The following SMYD3 variants were observed in gnomAD, a reference collection of about 807,000 sequenced individuals.
The protein encoded by SMYD3 is histone-lysine N-methyltransferase SMYD3.
A neutral mutation model predicts 57.7 loss-of-function variants in SMYD3; 36 were observed. That is an observed-to-expected ratio of 0.62 (90% CI 0.48 to 0.82). SMYD3 has a LOEUF of 0.82. Among genes scored for constraint, SMYD3 ranks in the 40% least tolerant of loss-of-function variants. The pLI, the probability that SMYD3 is intolerant of heterozygous loss-of-function variation, is 0.00. For missense variants in SMYD3, 515 were observed against 538.8 expected (o/e 0.96, Z 0.44); for synonymous variants, 211 against 195.0 (o/e 1.08, Z -0.68).
intron 5 of SMYD3, among the ~76,000 whole-genome samples, chr1:246,164,333 T>C (rs1389719332): frequency 6.6e-6 from 1 of 152,140 alleles, no homozygotes; most frequent in African/African-American, 2.4e-5. Flanking sequence ...GGCAGGAGAA[T>C]CACTTGAACC....
intron 5 of SMYD3, among the ~76,000 whole-genome samples, chr1:246,059,356 ATT>A (rs2060210773): frequency 6.6e-6 from 1 of 152,192 alleles, no homozygotes; most frequent in Non-Finnish European, 1.5e-5. Context: ...AAAAAATCAA[ATT>A]AAGATGACTT....
chr1:246,238,555 C>G (rs1044914555), intron 5 of SMYD3, among the ~76,000 whole-genome samples: 4 of 152,148 alleles, frequency 2.6e-5, no homozygotes, highest in Admixed American at 6.5e-5. Context: ...TGTGGAACAG[C>G]TCCACAGGGG....
intron 1 of SMYD3, among the ~76,000 whole-genome samples, chr1:246,359,945 T>C (rs978925398): frequency 2.6e-5 from 4 of 152,158 alleles, no homozygotes; most frequent in African/African-American, 9.7e-5. Context: ...AACATAGTAC[T>C]GGAAGTCCTA....
At chr1:246,488,991 C>T (rs1036638410) in intron 1 of SMYD3, among the ~76,000 whole-genome samples, 3 of 152,154 alleles carry the variant, frequency 2.0e-5, no homozygotes, top group Non-Finnish European at 4.4e-5. Context: ...AGTCCTCTCT[C>T]TCTCTCTCCA....
intron 1 of SMYD3, among the ~76,000 whole-genome samples, chr1:246,465,910 T>C (rs1378356972): frequency 6.6e-6 from 1 of 152,176 alleles, no homozygotes; most frequent in Non-Finnish European, 1.5e-5. Context: ...TAGCTGGGAT[T>C]ACAGGCAAGC....
At chr1:245,796,963 A>C (rs1309119492) in intron 10 of SMYD3, among the ~76,000 whole-genome samples, 1 of 152,234 alleles carries the variant, frequency 6.6e-6, no homozygotes, top group Admixed American at 6.5e-5. Flanking sequence ...ACACCTATGA[A>C]ATAATGAATT....
intron 5 of SMYD3, among the ~76,000 whole-genome samples, chr1:246,022,635 G>A (rs931325381): frequency 3.3e-5 from 5 of 152,180 alleles, no homozygotes; most frequent in East Asian, 1.9e-4. Context: ...ATCTATCAGC[G>A]TAGAAAGATG....
At chr1:245,877,309 CG>C (rs1036157768) in intron 8 of SMYD3, among the ~76,000 whole-genome samples, 1 of 151,952 alleles carries the variant, frequency 6.6e-6, no homozygotes, top group Non-Finnish European at 1.5e-5. Context: ...AACGGTTCAT[CG>C]GGGGAAAGGG....
chr1:246,115,823 C>T (rs746571239), intron 5 of SMYD3, among the ~76,000 whole-genome samples: 1 of 152,190 alleles, frequency 6.6e-6, no homozygotes, highest in Non-Finnish European at 1.5e-5. Flanking sequence ...AGATGAGCCA[C>T]TGAGTACTTT....
At chr1:246,398,206 A>T (rs1255711383) in intron 1 of SMYD3, among the ~76,000 whole-genome samples, 1 of 152,218 alleles carries the variant, frequency 6.6e-6, no homozygotes, top group East Asian at 1.9e-4. Flanking sequence ...TCTTCCCATC[A>T]TCCTAATCTC....
At chr1:246,437,782 G>C (rs1305453841) in intron 1 of SMYD3, among the ~76,000 whole-genome samples, 1 of 152,036 alleles carries the variant, frequency 6.6e-6, no homozygotes, top group East Asian at 1.9e-4. Context: ...TCCAGCTGTT[G>C]TTATATCAAG....
chr1:245,994,000 C>T (rs1159221430), intron 5 of SMYD3, among the ~76,000 whole-genome samples: 1 of 152,190 alleles, frequency 6.6e-6, no homozygotes, highest in East Asian at 1.9e-4. Flanking sequence ...CATGGTTAAT[C>T]GCTTTAGATG....
intron 4 of SMYD3, among the ~76,000 whole-genome samples, chr1:246,327,896 A>C (rs575205861): frequency 2.0e-5 from 3 of 152,350 alleles, no homozygotes; most frequent in East Asian, 1.9e-4. Context: ...TCTGAGTTGA[A>C]TAAACAAGAT....
At chr1:246,415,397 G>C (rs936271259) in intron 1 of SMYD3, among the ~76,000 whole-genome samples, 8 of 152,104 alleles carry the variant, frequency 5.3e-5, no homozygotes, top group African/African-American at 1.9e-4. Context: ...CCACGTCCCA[G>C]ACTGTTTTTA....
chr1:246,362,212 A>G (rs2148715153), intron 1 of SMYD3, among the ~76,000 whole-genome samples: 2 of 152,316 alleles, frequency 1.3e-5, no homozygotes, highest in East Asian at 3.9e-4. Context: ...AGTATTTTAT[A>G]CCCTTCAAAT....
At chr1:246,273,158 T>TA (rs2064257704) in intron 5 of SMYD3, among the ~76,000 whole-genome samples, 1 of 139,672 alleles carries the variant, frequency 7.2e-6, no homozygotes, top group Non-Finnish European at 1.5e-5. Context: ...TTTTTCTTTT[T>TA]TTTGGGGGGG....
intron 5 of SMYD3, among the ~76,000 whole-genome samples, chr1:246,294,537 G>C (rs1257174822): frequency 6.6e-6 from 1 of 152,084 alleles, no homozygotes; most frequent in African/African-American, 2.4e-5. Flanking sequence ...CCTGAAAATA[G>C]AAACAGACAA....
chr1:246,000,151 A>C (rs1027606476), intron 5 of SMYD3, among the ~76,000 whole-genome samples: 3 of 152,244 alleles, frequency 2.0e-5, no homozygotes, highest in Non-Finnish European at 4.4e-5. Flanking sequence ...TATATAAATC[A>C]TGCGGCTTGG....
Position 246,226,224 on chromosome 1 carries a change from G to A in SMYD3, c.531+100977C>T, listed in dbSNP as rs1027364167. On this transcript the variant is annotated intron_variant, in intron 5 of 11. Coordinates refer to ENST00000490107, the MANE Select transcript of SMYD3 (RefSeq NM_001167740.2). ...AACTAAATGACCTGTGAAAGCCCCTGTTAGTTGCTTCATACTGATACCGAA... is the reference window on the plus strand; with the variant it reads ...AACTAAATGACCTGTGAAAGCCCCTATTAGTTGCTTCATACTGATACCGAA... Among the ~76,000 whole-genome samples, 3 of 151,532 alleles carry A rather than the reference G, an allele frequency of 2.0e-5. No homozygotes were observed. In the East Asian group the frequency reaches 5.8e-4, roughly 29 times the overall value.
Sources: gnomAD v4.1 joint callset for allele counts (sites outside exome capture counted in the v4.1 genomes callset) on GRCh38, gnomAD v4.1.1 for gene constraint, MANE v1.5 for transcripts, NCBI Gene and HGNC (gene_info 2026-07-23, HGNC 2026-07-21) for gene names.